The following KIAA1549L variants were observed in gnomAD, a reference collection of about 807,000 sequenced individuals.
KIAA1549L encodes the protein KIAA1549 like, also known as UPF0606 protein KIAA1549L.
Under a neutral mutation model 160.7 loss-of-function variants are expected in KIAA1549L, and 88 were observed. That is an observed-to-expected ratio of 0.55 (90% confidence interval 0.46 to 0.65). The LOEUF (loss-of-function observed/expected upper bound fraction) is 0.65. Ranked by LOEUF, KIAA1549L falls within the 30% of genes least tolerant of loss-of-function variation. The probability of loss-of-function intolerance (pLI) is 0.00; values close to 1 mark genes in which losing one functional copy is unlikely to be tolerated. For synonymous variants in KIAA1549L, 950 were observed against 976.7 expected (o/e 0.97, Z 0.51); for missense variants, 2,258 against 2,437.5 (o/e 0.93, Z 1.55).
At chr11:33,660,747 T>C in intron 19 of KIAA1549L, 116 bp from the exon 20 acceptor site, 1 of 1,001,182 alleles carries the variant, frequency 1.0e-6, no homozygotes, top group East Asian at 2.6e-5. Context: ...TTAATGAGAC[T>C]TCAAATCCAG....
intron 1 of KIAA1549L, among the ~76,000 whole-genome samples, chr11:33,394,583 T>C (rs1850336611): frequency 6.6e-6 from 1 of 152,180 alleles, no homozygotes; most frequent in Non-Finnish European, 1.5e-5. Flanking sequence ...TGGCTGAAGC[T>C]TAGTAGTGGT....
rs189405652 is a variant in KIAA1549L, at chr11:33,423,971, T to C, written c.238+47082T>C. Among the ~76,000 whole-genome samples, 18 of 152,206 alleles carry C rather than the reference T, an allele frequency of 1.2e-4. No individual in the cohort carries two copies. The South Asian group carries it at 1.5e-3, about 12-fold the overall frequency. The stretch of plus-strand genomic sequence containing the variant: ...CTGAGCCCAGGAGGTTGAGGCTGCC[T>C]TGAGCTGTGATCATGCCAGTGCATT... On this transcript the variant is annotated intron_variant, in intron 1 of 20. Coordinates refer to ENST00000658780, the MANE Select transcript of KIAA1549L (RefSeq NM_012194.3).
chr11:33,622,459 G>A (rs1408141478), intron 16 of KIAA1549L, among the ~76,000 whole-genome samples: 1 of 152,154 alleles, frequency 6.6e-6, no homozygotes. Context: ...CACAGTCATA[G>A]CATGATCCAG....
Position 33,645,766 on chromosome 11 carries a change from A to G in KIAA1549L, c.5490A>G (p.Lys1830=). ...GCTATTCCAGGTCTCGACAGGTGAA[A>G]GGCCACTCGGAGACCTCCACACTGA... The part of the protein sequence containing the change: ...PRGYSRSRQV[K]GHSETSTLSS... The change falls in exon 17 of 21, where the codon AAA becomes AAG. Residue 1830 remains lysine, a synonymous_variant. Coordinates refer to ENST00000658780, the MANE Select transcript of KIAA1549L (RefSeq NM_012194.3). 6.2e-7 allele frequency: 1 copy of G among 1,613,928 alleles called. No individual in the cohort carries two copies. Among genetic ancestry groups the G allele is most frequent in the South Asian group, 1.1e-5 (1 of 91,068 alleles).
intron 10 of KIAA1549L, among the ~76,000 whole-genome samples, chr11:33,578,072 G>T (rs970627187): frequency 2.0e-5 from 3 of 152,162 alleles, no homozygotes; most frequent in Admixed American, 2.0e-4. Context: ...TACTTGGGAC[G>T]GGCATGAAAA....
chr11:33,583,628 A>G, intron 11 of KIAA1549L, 127 bp downstream of exon 11: 2 of 829,284 alleles, frequency 2.4e-6, no homozygotes, highest in Non-Finnish European at 3.7e-6. Context: ...CTCATTTTGA[A>G]GGAGATCCTT....
chr11:33,475,482 A>G (rs1852265106), intron 1 of KIAA1549L, among the ~76,000 whole-genome samples: 1 of 151,818 alleles, frequency 6.6e-6, no homozygotes, highest in Non-Finnish European at 1.5e-5. Flanking sequence ...GTTTGAGCCC[A>G]GGAGTTCGAG....
chr11:33,616,153 G>A (rs1850802211), intron 15 of KIAA1549L, among the ~76,000 whole-genome samples: 1 of 152,160 alleles, frequency 6.6e-6, no homozygotes, highest in Admixed American at 6.5e-5. Context: ...AAAGGTCCAG[G>A]CTTCGGCTTG....
At chr11:33,382,102 G>T (rs944608542) in intron 1 of KIAA1549L, among the ~76,000 whole-genome samples, 1 of 152,174 alleles carries the variant, frequency 6.6e-6, no homozygotes, top group African/African-American at 2.4e-5. Flanking sequence ...CAGCATGGAA[G>T]CGAATAAGAA....
intron 1 of KIAA1549L, among the ~76,000 whole-genome samples, chr11:33,383,536 T>G (rs1470815182): frequency 6.6e-6 from 1 of 151,952 alleles, no homozygotes; most frequent in Non-Finnish European, 1.5e-5. Flanking sequence ...GGCAACTGAG[T>G]CATATTAATT....
At chr11:33,435,818 G>GTGTATATATA (rs1554976830) in intron 1 of KIAA1549L, among the ~76,000 whole-genome samples, 642 of 45,228 alleles carry the variant, frequency 0.014, 63 homozygotes, top group Non-Finnish European at 0.023. Flanking sequence ...ATATGTGTGT[G>GTGTATATATA]TATATATATA....
Position 33,591,417 on chromosome 11 carries a change from A to G in KIAA1549L, c.4747A>G (p.Lys1583Glu). ...IKTAKSTETRKSRSPSENGSV... is the reference protein window; with the variant it reads ...IKTAKSTETRESRSPSENGSV... ...GACCGCCAAATCCACTGAAACCAGG[A>G]AGAGGTAGGCACGGGGCTGACTTCT... The change falls in exon 12 of 21, where the codon AAG becomes GAG. Residue 1583 changes from lysine (K) to glutamate (E), a missense_variant. This residue lies in a region of KIAA1549L where 1,359 missense variants were observed against 1,546.6 expected (regional missense o/e 0.88). Coordinates refer to ENST00000658780, the MANE Select transcript of KIAA1549L (RefSeq NM_012194.3). 4 of 1,602,676 alleles carry G rather than the reference A, an allele frequency of 2.5e-6. No individual in the cohort carries two copies. The highest frequency in any genetic ancestry group is 3.4e-6 in the Non-Finnish European group (4 of 1,171,200).
At chr11:33,518,853 A>C (rs1245315560) in intron 1 of KIAA1549L, among the ~76,000 whole-genome samples, 1 of 152,152 alleles carries the variant, frequency 6.6e-6, no homozygotes, top group Non-Finnish European at 1.5e-5. Context: ...CAGGTTTCAG[A>C]TATGTTTTGA....
chr11:33,592,062 C>T (rs1308404679), intron 12 of KIAA1549L, among the ~76,000 whole-genome samples: 1 of 152,076 alleles, frequency 6.6e-6, no homozygotes, highest in Non-Finnish European at 1.5e-5. Flanking sequence ...TGAGTGGGAT[C>T]TGAATAGGTG....
chr11:33,515,736 G>A (rs1248863945), intron 1 of KIAA1549L, among the ~76,000 whole-genome samples: 13 of 152,156 alleles, frequency 8.5e-5, no homozygotes, highest in African/African-American at 3.1e-4. Flanking sequence ...TTCTCAATCA[G>A]TCTTTAACCT....
chr11:33,475,260 A>G (rs914604261), intron 1 of KIAA1549L, among the ~76,000 whole-genome samples: 6 of 152,134 alleles, frequency 3.9e-5, no homozygotes, highest in African/African-American at 1.2e-4. Context: ...GTATGGATGC[A>G]TATTTATTCA....
intron 1 of KIAA1549L, among the ~76,000 whole-genome samples, chr11:33,528,903 C>G (rs1216685111): frequency 6.6e-6 from 1 of 152,194 alleles, no homozygotes; most frequent in Admixed American, 6.5e-5. Flanking sequence ...GGGTAAATCT[C>G]AGAAATCACC....
At chr11:33,458,121 G>A (rs974117661) in intron 1 of KIAA1549L, among the ~76,000 whole-genome samples, 1 of 152,212 alleles carries the variant, frequency 6.6e-6, no homozygotes, top group African/African-American at 2.4e-5. Flanking sequence ...TGTGTATGCA[G>A]CCCAGCATTT....
intron 1 of KIAA1549L, among the ~76,000 whole-genome samples, chr11:33,381,718 G>A (rs925751847): frequency 2.0e-4 from 30 of 152,326 alleles, no homozygotes; most frequent in African/African-American, 7.0e-4. Context: ...TGGAAGCCAG[G>A]AGATCAGGAA....
Sources: allele counts gnomAD v4.1 joint callset (sites outside exome capture counted in the v4.1 genomes callset), GRCh38; gene constraint gnomAD v4.1.1; regional missense constraint gnomAD v4.1.1; transcripts MANE v1.5; gene names NCBI Gene and HGNC (gene_info 2026-07-23, HGNC 2026-07-21).